The following PLEKHM1 variants were observed in gnomAD, a reference collection of about 807,000 sequenced individuals.
PLEKHM1 encodes the protein pleckstrin homology domain-containing family M member 1.
A neutral mutation model predicts 94.3 loss-of-function variants in PLEKHM1; 28 were observed. The observed-to-expected ratio is 0.30, with a 90% confidence interval of 0.22 to 0.41. The LOEUF (loss-of-function observed/expected upper bound fraction) is 0.41, where lower values mean the gene tolerates loss of function less well. Among genes scored for constraint, PLEKHM1 ranks in the 10% least tolerant of loss-of-function variants. The pLI is 1.00. For synonymous variants in PLEKHM1, 424 were observed against 581.2 expected, an observed-to-expected ratio of 0.73 and a Z score of 3.89; for missense variants, 907 against 1,358.6, an observed-to-expected ratio of 0.67 and a Z score of 5.22.
chr17:45,481,805 G>A (rs907227272), intron 2 of PLEKHM1, among the ~76,000 whole-genome samples: 7 of 152,226 alleles, frequency 4.6e-5, no homozygotes, highest in African/African-American at 1.7e-4. Context: ...AGAGTTCTCT[G>A]AGCTGGGAAG....
chr17:45,467,573 C>G (rs1389295687), intron 5 of PLEKHM1, among the ~76,000 whole-genome samples: 1 of 152,140 alleles, frequency 6.6e-6, no homozygotes, highest in Non-Finnish European at 1.5e-5. Context: ...CCAGCCTGGC[C>G]AACATGATGA....
Position 45,437,884 on chromosome 17 carries a change from A to G in PLEKHM1, c.3145T>C (p.Tyr1049His), listed in dbSNP as rs1415051383. The change falls in exon 12 of 12, where the codon TAC (tyrosine) becomes CAC (histidine). Residue 1049 changes from tyrosine (Y) to histidine (H), a missense_variant. Physicochemically the swap from Tyr to His is moderately conservative, Grantham distance 83. Transcript: ENST00000430334. This position sits in a 1 kb window ranked among gnomAD's most constrained non-coding sequence, Gnocchi z 4.0. ...GCPRCARRRKYQEQNIFA is the reference protein window; with the variant it reads ...GCPRCARRRKHQEQNIFA ...CAGGCGAAAATGTTCTGTTCCTGGT[A>G]CTTGCGCCGGCGGGCACAGCGGGGG... 1.9e-6 allele frequency: 3 copies of G among 1,613,960 alleles called. No individual in the cohort carries two copies. Among genetic ancestry groups the G allele is most frequent in the Non-Finnish European group, 2.5e-6 (3 of 1,179,982 alleles).
At chr17:45,466,139 A>C (rs1338174511) in intron 5 of PLEKHM1, among the ~76,000 whole-genome samples, 4 of 152,222 alleles carry the variant, frequency 2.6e-5, no homozygotes, top group Admixed American at 1.3e-4. Flanking sequence ...TCTGACCCAC[A>C]CTGACAGTTT....
Position 45,486,239 on chromosome 17 carries a change from A to AT in PLEKHM1, c.-41-3715_-41-3714insA, listed in dbSNP as rs1466042732. On this transcript the variant is annotated intron_variant, in intron 1 of 11. Transcript: ENST00000430334. The stretch of plus-strand genomic sequence containing the variant: ...CTCAAAAAAAAAAAGATAAAATAAA[A>AT]AAATAATAATAATAATAATAATTTA... Among the ~76,000 whole-genome samples the AT allele has an allele frequency of 8.8e-5, 13 of 147,584 alleles. 1 individual carries two copies. Among genetic ancestry groups the AT allele is most frequent in the Non-Finnish European group, 1.8e-4 (12 of 66,896 alleles).
chr17:45,439,896 C>T (rs925701149), intron 10 of PLEKHM1: 17 of 641,854 alleles, frequency 2.6e-5, no homozygotes, highest in Non-Finnish European at 4.7e-5. Context: ...TCACTGTACC[C>T]TCCCCTTGGG....
downstream of PLEKHM1, among the ~76,000 whole-genome samples, chr17:45,435,245 T>A (rs2050229326): frequency 6.6e-6 from 1 of 152,174 alleles, no homozygotes; most frequent in Admixed American, 6.5e-5. Context: ...GGACAGGAAA[T>A]CTCAGACCTG....
At chr17:45,464,691 T>C (rs1013303096) in intron 5 of PLEKHM1, among the ~76,000 whole-genome samples, 8 of 152,112 alleles carry the variant, frequency 5.3e-5, no homozygotes, top group African/African-American at 1.9e-4. Context: ...AGCGCTTAGA[T>C]GTCACATTCC....
chr17:45,473,190 T>C (rs1267804404), intron 4 of PLEKHM1, among the ~76,000 whole-genome samples: 1 of 152,050 alleles, frequency 6.6e-6, no homozygotes, highest in Non-Finnish European at 1.5e-5. Flanking sequence ...AAAGACCACA[T>C]ACACAAGGTT....
At chr17:45,487,922 C>A in intron 1 of PLEKHM1, 2 of 379,674 alleles carry the variant, frequency 5.3e-6, no homozygotes, top group South Asian at 3.7e-5. Flanking sequence ...ATTGATGAGT[C>A]ATGTTTTTTC....
At chr17:45,461,506 C>T (rs1044284531) in intron 5 of PLEKHM1, among the ~76,000 whole-genome samples, 2 of 152,196 alleles carry the variant, frequency 1.3e-5, no homozygotes, top group Non-Finnish European at 2.9e-5. Flanking sequence ...CTGCCAAGAG[C>T]TGTATAGTTT....
intron 4 of PLEKHM1, among the ~76,000 whole-genome samples, chr17:45,473,751 G>A (rs1473799112): frequency 1.3e-5 from 2 of 151,860 alleles, no homozygotes; most frequent in African/African-American, 2.4e-5. Flanking sequence ...GTAGAGATGG[G>A]GTTTCACCGT....
At position 45,437,892 on chromosome 17, in the gene PLEKHM1, C is replaced by T. The variant is rs771929416; in HGVS notation, c.3137G>A (p.Arg1046Gln). Residue 1046 changes from arginine (R) to glutamine (Q), a missense_variant, in exon 12 of 12, where the codon CGG becomes CAG. Coordinates refer to ENST00000430334, the MANE Select transcript of PLEKHM1 (RefSeq NM_014798.3). The surrounding 1 kb of genome is among the most constrained non-coding windows in gnomAD (Gnocchi z 4.0). The stretch of plus-strand genomic sequence containing the variant: ...AATGTTCTGTTCCTGGTACTTGCGC[C>T]GGCGGGCACAGCGGGGGCAGCCCTT... ...VKKGCPRCAR[R>Q]RKYQEQNIFA is the part of the protein sequence containing the mutation. 1.1e-5 allele frequency: 17 copies of T among 1,613,858 alleles called. No individual in the cohort carries two copies. Among genetic ancestry groups the T allele is most frequent in the Admixed American group, 3.3e-5 (2 of 60,014 alleles).
chr17:45,488,304 G>A (rs2052191765), intron 1 of PLEKHM1, among the ~76,000 whole-genome samples: 1 of 152,138 alleles, frequency 6.6e-6, no homozygotes, highest in Admixed American at 6.6e-5. Flanking sequence ...AAACAGGACC[G>A]TTGCCTGACC....
chr17:45,467,416 C>T (rs2051351901), intron 5 of PLEKHM1, among the ~76,000 whole-genome samples: 2 of 152,194 alleles, frequency 1.3e-5, no homozygotes, highest in South Asian at 4.1e-4. Context: ...CCATATTGGA[C>T]AGCACGGCTC....
At chr17:45,448,866 C>T (rs972335260) in intron 8 of PLEKHM1, among the ~76,000 whole-genome samples, 7 of 151,860 alleles carry the variant, frequency 4.6e-5, no homozygotes, top group African/African-American at 1.7e-4. Flanking sequence ...AAAAAAGTAC[C>T]CAAGGCATAA....
chr17:45,446,654 C>T lies in PLEKHM1; in HGVS notation c.2644-991G>A, dbSNP rs181790972. Among the ~76,000 whole-genome samples the T allele has an allele frequency of 3.4e-3, 518 of 152,242 alleles. 2 individuals are homozygous for T. The highest frequency in any genetic ancestry group is 0.01 in the Middle Eastern group (3 of 294). ...TCGTTACATATTTTATTTCTGGTGG[C>T]TTTGTTTTTGATACTATTATAAGTG... On this transcript the variant is annotated intron_variant, in intron 8 of 11. Transcript: ENST00000430334.
chr17:45,475,494 C>G lies in PLEKHM1; in HGVS notation c.529G>C (p.Glu177Gln), dbSNP rs755769254. 4 of 1,612,330 alleles carry G rather than the reference C, an allele frequency of 2.5e-6. No homozygotes were observed. The highest frequency in any genetic ancestry group is 3.3e-4 in the Middle Eastern group (2 of 6,048). ...AAGATGGCAGACTTGTAGGAGAGTT[C>G]GAAGGACAAGGACGTGAGGCCCTGC... is the stretch of plus-strand genomic sequence containing the variant. ...FLQGLTSLSF[E>Q]LSYKSAILNE... Residue 177 changes from glutamate (E) to glutamine (Q), a missense_variant, in exon 4 of 12, where the codon GAA becomes CAA. Coordinates refer to ENST00000430334, the MANE Select transcript of PLEKHM1 (RefSeq NM_014798.3).
intron 6 of PLEKHM1, among the ~76,000 whole-genome samples, chr17:45,456,671 G>A (rs1219193111): frequency 6.6e-6 from 1 of 152,232 alleles, no homozygotes; most frequent in African/African-American, 2.4e-5. Context: ...ACCCATGCCA[G>A]GGCTACCCAC....
intron 8 of PLEKHM1, among the ~76,000 whole-genome samples, chr17:45,446,887 T>G (rs2050622984): frequency 6.6e-6 from 1 of 152,144 alleles, no homozygotes; most frequent in African/African-American, 2.4e-5. Context: ...GTGACTCAGT[T>G]TCCTCATCTG....
Sources: allele counts gnomAD v4.1 joint callset (sites outside exome capture counted in the v4.1 genomes callset), GRCh38; gene constraint gnomAD v4.1.1; non-coding constraint Gnocchi (gnomAD v3.1); transcripts MANE v1.5; gene names NCBI Gene and HGNC (gene_info 2026-07-23, HGNC 2026-07-21).